RBFOX1: variants seen among roughly 807,000 people sequenced by gnomAD.
RBFOX1 encodes RNA binding fox-1 homolog 1, also known as RNA binding protein fox-1 homolog 1.
A neutral mutation model predicts 57.7 loss-of-function variants in RBFOX1; 8 were observed. That is an observed-to-expected ratio of 0.14 (90% confidence interval 0.08 to 0.25). The LOEUF (loss-of-function observed/expected upper bound fraction) is 0.25, where lower values mean the gene tolerates loss of function less well. RBFOX1 is among the 10% of genes least tolerant of loss of function. The probability of loss-of-function intolerance (pLI) is 1.00; values close to 1 mark genes in which losing one functional copy is unlikely to be tolerated. For missense variants in RBFOX1, 611 were observed against 548.5 expected, an observed-to-expected ratio of 1.11 and a Z score of -1.14; for synonymous variants, 326 against 222.4, an observed-to-expected ratio of 1.47 and a Z score of -4.15.
chr16:6,068,841 G>A (rs997248330), intron 1 of RBFOX1, among the ~76,000 whole-genome samples: 4 of 152,074 alleles, frequency 2.6e-5, no homozygotes, highest in Non-Finnish European at 5.9e-5. Context: ...CCTGTACCCG[G>A]TTACAGGAAT....
intron 3 of RBFOX1, among the ~76,000 whole-genome samples, chr16:5,733,718 C>T (rs755819083): frequency 5.9e-5 from 9 of 152,024 alleles, no homozygotes; most frequent in Non-Finnish European, 8.8e-5. Context: ...TTCCCTCTTA[C>T]CTCTTTATTC....
At chr16:6,550,264 G>A (rs922016935) in intron 2 of RBFOX1, among the ~76,000 whole-genome samples, 2 of 151,938 alleles carry the variant, frequency 1.3e-5, no homozygotes, top group Non-Finnish European at 2.9e-5. Flanking sequence ...TGCAACCTCC[G>A]CCTCCCAGGT....
intron 1 of RBFOX1, among the ~76,000 whole-genome samples, chr16:6,056,656 A>G (rs771867041): frequency 1.2e-4 from 18 of 152,208 alleles, no homozygotes; most frequent in Non-Finnish European, 1.5e-4. Context: ...TGACCAAATC[A>G]ATGAAGATAC....
chr16:7,693,473 A>C, intron 14 of RBFOX1: 1 of 810,682 alleles, frequency 1.2e-6, no homozygotes. Flanking sequence ...TAGAAAGTTT[A>C]GTTAAGAAAA....
intron 4 of RBFOX1, among the ~76,000 whole-genome samples, chr16:7,437,929 C>T (rs960140594): frequency 2.0e-5 from 3 of 151,076 alleles, no homozygotes; most frequent in Non-Finnish European, 2.9e-5. Context: ...AAGCACACCG[C>T]GATCATCAAT....
intron 3 of RBFOX1, among the ~76,000 whole-genome samples, chr16:6,695,363 C>G (rs1015489092): frequency 1.5e-5 from 2 of 131,342 alleles, no homozygotes; most frequent in Non-Finnish European, 1.5e-5. Context: ...TTGCAATTAC[C>G]TGAGATTGCG....
At chr16:6,319,658 C>T (rs1014025076) in intron 2 of RBFOX1, among the ~76,000 whole-genome samples, 3 of 152,144 alleles carry the variant, frequency 2.0e-5, no homozygotes, top group Non-Finnish European at 4.4e-5. Context: ...GGCCAATGCA[C>T]ATGGTGTAAG....
intron 9 of RBFOX1, among the ~76,000 whole-genome samples, chr16:7,601,592 T>G (rs1208540649): frequency 6.6e-6 from 1 of 152,062 alleles, no homozygotes; most frequent in Non-Finnish European, 1.5e-5. Flanking sequence ...CTTACTGAAG[T>G]AAAGCAAAAT....
chr16:7,547,108 G>A (rs1264681891), intron 5 of RBFOX1, among the ~76,000 whole-genome samples: 1 of 151,984 alleles, frequency 6.6e-6, no homozygotes, highest in African/African-American at 2.4e-5. Context: ...CTGAAGAAAG[G>A]AGTGATAATG....
chr16:5,247,328 A>G (rs2062327547), intron 1 of RBFOX1, among the ~76,000 whole-genome samples: 1 of 152,172 alleles, frequency 6.6e-6, no homozygotes, highest in African/African-American at 2.4e-5. Context: ...CTGTCCTGTT[A>G]TCACATTTCC....
chr16:7,211,189 A>C (rs1212586854), intron 4 of RBFOX1, among the ~76,000 whole-genome samples: 1 of 151,852 alleles, frequency 6.6e-6, no homozygotes, highest in Non-Finnish European at 1.5e-5. Flanking sequence ...CAGGAGATCA[A>C]GACTGTCCTG....
intron 3 of RBFOX1, among the ~76,000 whole-genome samples, chr16:6,976,605 G>T (rs1053979670): frequency 1.3e-5 from 2 of 151,470 alleles, no homozygotes; most frequent in East Asian, 1.9e-4. Flanking sequence ...AGAGTAGGGC[G>T]TTCCCGAAAG....
chr16:7,193,322 G>T (rs1051110498), intron 4 of RBFOX1, among the ~76,000 whole-genome samples: 1 of 152,158 alleles, frequency 6.6e-6, no homozygotes, highest in African/African-American at 2.4e-5. Context: ...TCTAGAAAAG[G>T]CAAGAACTCA....
At chr16:7,708,210 A>G (rs1241436640) in intron 14 of RBFOX1, among the ~76,000 whole-genome samples, 3 of 152,064 alleles carry the variant, frequency 2.0e-5, no homozygotes, top group South Asian at 2.1e-4. Flanking sequence ...CTGTCTAGTT[A>G]TGCGACCTTG....
chr16:6,086,658 G>T (rs1027253308), intron 1 of RBFOX1, among the ~76,000 whole-genome samples: 16 of 152,186 alleles, frequency 1.1e-4, no homozygotes, highest in African/African-American at 3.9e-4. Context: ...TCAGGGAGAT[G>T]ATTTACTGTT....
intron 4 of RBFOX1, among the ~76,000 whole-genome samples, chr16:5,891,230 G>T (rs1034046958): frequency 1.3e-5 from 2 of 152,142 alleles, no homozygotes; most frequent in African/African-American, 4.8e-5. Context: ...GGACAGAGGT[G>T]TCCCTGATGT....
chr16:5,546,084 A>C (rs1487620067), intron 2 of RBFOX1, among the ~76,000 whole-genome samples: 1 of 152,166 alleles, frequency 6.6e-6, no homozygotes, highest in East Asian at 1.9e-4. Context: ...TATCAAATGA[A>C]ATAATAAGGA....
intron 2 of RBFOX1, among the ~76,000 whole-genome samples, chr16:5,534,819 CA>C (rs2044632710): frequency 6.6e-6 from 1 of 152,156 alleles, no homozygotes; most frequent in Non-Finnish European, 1.5e-5. Context: ...GCAATCCAAT[CA>C]AGTTGACACC....
intron 3 of RBFOX1, among the ~76,000 whole-genome samples, chr16:6,932,122 TC>T (rs1567946571): frequency 6.6e-6 from 1 of 152,134 alleles, no homozygotes; most frequent in Admixed American, 6.6e-5. Flanking sequence ...TTTTGTTTTT[TC>T]AGATGGCATC....
Sources: allele counts gnomAD v4.1 joint callset (sites outside exome capture counted in the v4.1 genomes callset), GRCh38; gene constraint gnomAD v4.1.1; transcripts MANE v1.5; gene names NCBI Gene and HGNC (gene_info 2026-07-23, HGNC 2026-07-21).